The following FILIP1L variants were observed in gnomAD, a reference collection of about 807,000 sequenced individuals.
FILIP1L encodes filamin A interacting protein 1 like.
Under a neutral mutation model 96.6 loss-of-function variants are expected in FILIP1L, and 55 were observed. The observed-to-expected ratio is 0.57, with a 90% CI of 0.46 to 0.71. FILIP1L has a LOEUF of 0.71. Ranked by LOEUF, FILIP1L falls within the 30% of genes least tolerant of loss-of-function variation. The pLI is 0.00. For synonymous variants in FILIP1L, 467 were observed against 473.9 expected, an observed-to-expected ratio of 0.99 and a Z score of 0.19; for missense variants, 1,304 against 1,321.2, an observed-to-expected ratio of 0.99 and a Z score of 0.20.
chr3:100,053,464 G>A (rs1181949530), intron 1 of FILIP1L, among the ~76,000 whole-genome samples: 13 of 152,108 alleles, frequency 8.5e-5, no homozygotes, highest in Non-Finnish European at 1.2e-4. Context: ...GTCTTCCCTC[G>A]TTGTGTCTGT....
chr3:99,978,911 GA>G (rs1451317824), intron 1 of FILIP1L, among the ~76,000 whole-genome samples: 3 of 152,070 alleles, frequency 2.0e-5, no homozygotes, highest in African/African-American at 7.2e-5. Context: ...CAGAAGTAGG[GA>G]GTAGAACAGT....
chr3:99,979,709 A>G (rs1352636931), intron 1 of FILIP1L, among the ~76,000 whole-genome samples: 1 of 152,186 alleles, frequency 6.6e-6, no homozygotes, highest in Non-Finnish European at 1.5e-5. Context: ...TTATTTTTAC[A>G]CCAACATTTA....
rs1707219043 is a variant in FILIP1L at position 99,924,316 on chromosome 3, C to T, written c.519G>A (p.Leu173=). Residue 173 remains leucine, a synonymous_variant, in exon 4 of 6, where the codon TTG becomes TTA. Transcript: ENST00000477258. The stretch of plus-strand genomic sequence containing the variant: ...GTTTTCTCTTTTCTTCCTCCAACTC[C>T]AATATGGTTTGCCTACGGGATTTTT... ...VAEKSRRQTI[L]ELEEEKRKHK... 3 of 1,613,852 alleles carry T rather than the reference C, an allele frequency of 1.9e-6. No homozygotes were observed. The highest frequency in any genetic ancestry group is 3.3e-5 in the Admixed American group (2 of 60,002).
chr3:99,840,221 C>A (rs1418313933), intron 5 of FILIP1L, among the ~76,000 whole-genome samples: 1 of 102,138 alleles, frequency 9.8e-6, no homozygotes, highest in Admixed American at 1.1e-4. Context: ...TTCGTAGAAT[C>A]TTTTTTTTTT....
intron 1 of FILIP1L, among the ~76,000 whole-genome samples, chr3:100,003,776 A>G (rs1709909575): frequency 6.6e-6 from 1 of 152,212 alleles, no homozygotes; most frequent in Non-Finnish European, 1.5e-5. Context: ...AGTCAAGAGC[A>G]TAGACATATG....
intron 1 of FILIP1L, among the ~76,000 whole-genome samples, chr3:100,017,705 C>T (rs992200821): frequency 6.6e-6 from 1 of 150,608 alleles, no homozygotes; most frequent in Non-Finnish European, 1.5e-5. Context: ...GGGGAGGATC[C>T]CTTGAGCCCA....
intron 1 of FILIP1L, among the ~76,000 whole-genome samples, chr3:100,089,602 C>T (rs559850189): frequency 1.3e-5 from 2 of 152,292 alleles, no homozygotes; most frequent in South Asian, 4.1e-4. Context: ...TAGAACTAAG[C>T]ATTTCCCATT....
chr3:100,109,344 T>C (rs1199060110), intron 1 of FILIP1L, among the ~76,000 whole-genome samples: 1 of 152,174 alleles, frequency 6.6e-6, no homozygotes, highest in African/African-American at 2.4e-5. Flanking sequence ...GCTTTACATA[T>C]AGTAAAATTA....
intron 1 of FILIP1L, among the ~76,000 whole-genome samples, chr3:100,076,411 T>G (rs1241059289): frequency 6.6e-6 from 1 of 152,206 alleles, no homozygotes; most frequent in Non-Finnish European, 1.5e-5. Context: ...AACACCCTTC[T>G]TTTTCTTTTA....
In FILIP1L at chr3:99,864,863, T is replaced by G. The variant is rs1944434869; in HGVS notation, c.606-13793A>C. On this transcript the variant is annotated intron_variant, in intron 4 of 5. Coordinates refer to ENST00000477258, the MANE Select transcript of FILIP1L (RefSeq NM_001387850.1). ...TTTTATGTATTTATTGATTACTGTC[T>G]CTCCTACTAGAATGTAAACTACATG... Among the ~76,000 whole-genome samples the G allele has an allele frequency of 1.3e-5, 2 of 152,156 alleles. 1 individual carries two copies. Among genetic ancestry groups the G allele is most frequent in the South Asian group, 4.1e-4 (2 of 4,822 alleles).
intron 4 of FILIP1L, among the ~76,000 whole-genome samples, chr3:99,897,621 A>T (rs1027371995): frequency 2.0e-4 from 31 of 152,178 alleles, no homozygotes; most frequent in Non-Finnish European, 1.2e-4. Context: ...GGTATCGTGT[A>T]TTTGAGGAGA....
At position 99,929,786 on chromosome 3, in the gene FILIP1L, C is replaced by T. The variant is rs1707417163; in HGVS notation, c.426+70G>A. The T allele has an allele frequency of 6.1e-6, 7 of 1,145,010 alleles. No homozygotes were observed. In the South Asian group the frequency reaches 1.2e-4, roughly 20 times the overall value. The allele number at this position is 1,145,010 out of a possible 1,614,324, so 70.9% of individuals were successfully genotyped here. ...ACTGTAAGGAATCAAAGAGGAGTTA[C>T]AGATCATGCTCATCTGCAGGGCTAG... On this transcript the variant is annotated intron_variant, in intron 3 of 5. Coordinates refer to ENST00000477258, the MANE Select transcript of FILIP1L (RefSeq NM_001387850.1).
intron 1 of FILIP1L, among the ~76,000 whole-genome samples, chr3:100,075,060 TA>T (rs34355464): frequency 0.19 from 28,746 of 152,078 alleles, 3,014 homozygotes; most frequent in South Asian, 0.25. Flanking sequence ...TAATTGCTTA[TA>T]TTTTTTTAGG....
intron 1 of FILIP1L, among the ~76,000 whole-genome samples, chr3:100,014,143 G>A (rs558915308): frequency 6.6e-6 from 1 of 151,054 alleles, no homozygotes; most frequent in South Asian, 2.1e-4. Flanking sequence ...TGTTGAAAAT[G>A]ACAGAATTTC....
intron 4 of FILIP1L, among the ~76,000 whole-genome samples, chr3:99,900,242 C>T (rs1460152701): frequency 6.6e-6 from 1 of 152,086 alleles, no homozygotes; most frequent in African/African-American, 2.4e-5. Flanking sequence ...GAGTTTGAGA[C>T]AGAATATTCA....
chr3:100,092,337 T>C (rs2066124758), intron 1 of FILIP1L, among the ~76,000 whole-genome samples: 1 of 152,120 alleles, frequency 6.6e-6, no homozygotes, highest in Non-Finnish European at 1.5e-5. Flanking sequence ...CATAGCATAT[T>C]TTGGATTCCA....
chr3:99,941,007 C>T (rs1707833880), intron 1 of FILIP1L, among the ~76,000 whole-genome samples: 3 of 152,264 alleles, frequency 2.0e-5, no homozygotes, highest in South Asian at 4.1e-4. Context: ...CCCAGCATCT[C>T]AGGTATACTC....
chr3:99,851,962 C>T (rs1284499620), intron 4 of FILIP1L, among the ~76,000 whole-genome samples: 1 of 152,152 alleles, frequency 6.6e-6, no homozygotes, highest in Non-Finnish European at 1.5e-5. Flanking sequence ...TGATGAGAGT[C>T]TGATGCTAGA....
At chr3:99,953,789 A>G (rs1001695583) in intron 1 of FILIP1L, among the ~76,000 whole-genome samples, 4 of 152,196 alleles carry the variant, frequency 2.6e-5, no homozygotes, top group Non-Finnish European at 4.4e-5. Context: ...CAAACAGTCC[A>G]CATAGGCAAT....
Sources: allele counts gnomAD v4.1 joint callset (sites outside exome capture counted in the v4.1 genomes callset), GRCh38; gene constraint gnomAD v4.1.1; transcripts MANE v1.5; gene names NCBI Gene and HGNC (gene_info 2026-07-23, HGNC 2026-07-21).